Variants in PPP1R14C observed in about 807,000 individuals in gnomAD.
PPP1R14C encodes protein phosphatase 1 regulatory inhibitor subunit 14C.
Under a neutral mutation model 20.4 loss-of-function variants are expected in PPP1R14C, and 16 were observed. The observed-to-expected ratio is 0.78, with a 90% confidence interval of 0.53 to 1.19. The LOEUF (loss-of-function observed/expected upper bound fraction) is 1.19, where lower values mean the gene tolerates loss of function less well. PPP1R14C is among the 50% of genes most tolerant of loss of function. The pLI is 0.00. For synonymous variants in PPP1R14C, 91 were observed against 91.0 expected (o/e 1.00, Z 0.00); for missense variants, 211 against 220.1 (o/e 0.96, Z 0.26).
chr6:150,248,820 ATTCTGGAACAGGGTGAAAC>A lies in PPP1R14C; in HGVS notation c.*2_*20del. On this transcript the variant is annotated 3_prime_UTR_variant, in exon 4 of 4. Coordinates refer to ENST00000361131, the MANE Select transcript of PPP1R14C (RefSeq NM_030949.3). The stretch of plus-strand genomic sequence containing the variant: ...GCCCTCCGCAGAAGAAGAGTGTATG[ATTCTGGAACAGGGTGAAAC>A]TCTCCCAGAGACGAAGAAAGAGTCC... 2.5e-6 allele frequency: 4 copies of A among 1,604,842 alleles called. No homozygotes were observed. The highest frequency in any genetic ancestry group is 3.4e-6 in the Non-Finnish European group (4 of 1,171,926).
intron 1 of PPP1R14C, among the ~76,000 whole-genome samples, chr6:150,168,533 C>CAACAAAACAA (rs370806291): frequency 0.027 from 3,977 of 148,980 alleles, 106 homozygotes; most frequent in African/African-American, 0.065. Context: ...ACTCCCGTCT[C>CAACAAAACAA]AACAAAACAA....
chr6:150,233,261 C>A (rs930487943), intron 3 of PPP1R14C, among the ~76,000 whole-genome samples: 1 of 152,130 alleles, frequency 6.6e-6, no homozygotes, highest in Non-Finnish European at 1.5e-5. Flanking sequence ...GTTAGAGACC[C>A]AGGTGGAGAA....
intron 3 of PPP1R14C, among the ~76,000 whole-genome samples, chr6:150,238,784 A>G (rs1257263960): frequency 1.3e-5 from 2 of 152,262 alleles, no homozygotes; most frequent in African/African-American, 2.4e-5. Context: ...TTCAGTTGGC[A>G]TCAAGAAGCC....
At chr6:150,146,708 G>A (rs992040224) in intron 1 of PPP1R14C, among the ~76,000 whole-genome samples, 1 of 152,178 alleles carries the variant, frequency 6.6e-6, no homozygotes, top group Non-Finnish European at 1.5e-5. Context: ...ACAGATCTGG[G>A]AGGAGCTTGT....
rs1777447813 is a variant in PPP1R14C, at chr6:150,167,989, T to TCTTTCTCCCCTTCTCTCCTCCCC, written c.306+24494_306+24495insTCTCCCCTTCTCTCCTCCCCCTT. ...CTCTTTCTCTCCTTCTCTCCTCCCC[T>TCTTTCTCCCCTTCTCTCCTCCCC]CTTCCTCTCCCCCTTGCTTTCCTCC... On this transcript the variant is annotated intron_variant, in intron 1 of 3. Transcript: ENST00000361131. Among the ~76,000 whole-genome samples, 12 of 3,614 alleles carry TCTTTCTCCCCTTCTCTCCTCCCC rather than the reference T, an allele frequency of 3.3e-3. 4 individuals carry two copies. Among genetic ancestry groups the TCTTTCTCCCCTTCTCTCCTCCCC allele is most frequent in the East Asian group, 0.091 (2 of 22 alleles). 2.4% of individuals were successfully genotyped at this position (3,614 alleles called of 152,430 possible).
At position 150,214,631 on chromosome 6, in the gene PPP1R14C, T is replaced by G. The variant is rs1054306665; in HGVS notation, c.307-113T>G. On this transcript the variant is annotated intron_variant, in intron 1 of 3. Transcript: ENST00000361131. ...GCCTCTCCTTCCCCCTGCTTATCTG[T>G]CAGCCCTTCTCAATTGATGATCTAG... 2.4e-5 allele frequency: 16 copies of G among 668,780 alleles called. No individual in the cohort carries two copies. The East Asian group carries it at 4.7e-4, about 20-fold the overall frequency. The allele number at this position is 668,780 out of a possible 1,614,324, so 41.4% of individuals were successfully genotyped here. A position where few individuals can be genotyped will look rare whatever the true frequency, so the allele number is the denominator to read the frequency against.
intron 1 of PPP1R14C, among the ~76,000 whole-genome samples, chr6:150,184,416 C>A (rs189404524): frequency 1.3e-3 from 195 of 152,298 alleles, no homozygotes; most frequent in Non-Finnish European, 2.3e-3. Flanking sequence ...ATAGGCCATA[C>A]CCTACAGCCT....
intron 1 of PPP1R14C, among the ~76,000 whole-genome samples, chr6:150,196,912 C>T (rs1029723070): frequency 6.6e-6 from 1 of 152,166 alleles, no homozygotes; most frequent in Non-Finnish European, 1.5e-5. Flanking sequence ...AGCTACAAAG[C>T]TGTTGTTGTA....
intron 3 of PPP1R14C, among the ~76,000 whole-genome samples, chr6:150,219,923 T>C (rs1168365245): frequency 1.3e-5 from 2 of 152,146 alleles, no homozygotes; most frequent in Non-Finnish European, 2.9e-5. Context: ...TGGCGCCATG[T>C]AGGCTCGCTG....
At chr6:150,234,528 A>G (rs1778330882) in intron 3 of PPP1R14C, among the ~76,000 whole-genome samples, 1 of 152,222 alleles carries the variant, frequency 6.6e-6, no homozygotes, top group African/African-American at 2.4e-5. Flanking sequence ...CAGTCTAGCT[A>G]TACAGTAGAG....
At chr6:150,163,207 T>C (rs1582898696) in intron 1 of PPP1R14C, among the ~76,000 whole-genome samples, 1 of 152,088 alleles carries the variant, frequency 6.6e-6, no homozygotes, top group Admixed American at 6.5e-5. Flanking sequence ...CTGGCTAACA[T>C]GGTGAAACCC....
intron 1 of PPP1R14C, chr6:150,194,572 G>T: frequency 1.0e-6 from 1 of 977,552 alleles, no homozygotes; most frequent in Non-Finnish European, 1.2e-6. Flanking sequence ...CCAGTAGGAT[G>T]CAAAAATGAT....
intron 3 of PPP1R14C, among the ~76,000 whole-genome samples, chr6:150,218,227 C>T (rs1046570042): frequency 6.6e-6 from 1 of 151,968 alleles, no homozygotes; most frequent in Non-Finnish European, 1.5e-5. Context: ...CACGGTGAAA[C>T]CCCGTCTCTA....
chr6:150,156,144 A>C (rs927738480), intron 1 of PPP1R14C, among the ~76,000 whole-genome samples: 1 of 151,754 alleles, frequency 6.6e-6, no homozygotes, highest in South Asian at 2.1e-4. Flanking sequence ...CCAGGTTTGC[A>C]TGAGCCGTTG....
At chr6:150,240,125 T>C (rs1204862442) in intron 3 of PPP1R14C, among the ~76,000 whole-genome samples, 3 of 151,954 alleles carry the variant, frequency 2.0e-5, no homozygotes, top group Admixed American at 2.0e-4. Context: ...TTTGAAAAGG[T>C]CAATACAATT....
chr6:150,191,803 G>A (rs1435373999), intron 1 of PPP1R14C, among the ~76,000 whole-genome samples: 2 of 152,186 alleles, frequency 1.3e-5, no homozygotes, highest in African/African-American at 2.4e-5. Context: ...ATTGAATGTG[G>A]TTATTGACAT....
chr6:150,154,175 A>G (rs1019382602), intron 1 of PPP1R14C, among the ~76,000 whole-genome samples: 2 of 152,248 alleles, frequency 1.3e-5, no homozygotes, highest in Admixed American at 6.5e-5. Context: ...TAGATTGCAA[A>G]TGACTAAAAA....
intron 3 of PPP1R14C, among the ~76,000 whole-genome samples, chr6:150,248,359 C>T (rs566870944): frequency 2.5e-4 from 38 of 152,204 alleles, no homozygotes; most frequent in African/African-American, 8.7e-4. Context: ...CACCTGTGAG[C>T]TAGTTGGAAA....
chr6:150,210,015 A>ATT (rs952103238), intron 1 of PPP1R14C, among the ~76,000 whole-genome samples: 2 of 151,708 alleles, frequency 1.3e-5, no homozygotes, highest in Non-Finnish European at 2.9e-5. Flanking sequence ...TTGTGTATAT[A>ATT]TTTGTGTGTG....
Sources: gnomAD v4.1 joint callset for allele counts (sites outside exome capture counted in the v4.1 genomes callset) on GRCh38, gnomAD v4.1.1 for gene constraint, MANE v1.5 for transcripts, NCBI Gene and HGNC (gene_info 2026-07-23, HGNC 2026-07-21) for gene names.